Variants in ABHD8 observed in about 807,000 individuals in gnomAD.
ABHD8 encodes the protein abhydrolase domain containing 8.
ABHD8 carries 10 observed loss-of-function variants against 29.3 expected under a neutral mutation model. The ratio of observed to expected loss-of-function variants is 0.34; its 90% CI spans 0.21 to 0.58. The LOEUF (loss-of-function observed/expected upper bound fraction) is 0.58, where lower values mean the gene tolerates loss of function less well. Ranked by LOEUF, ABHD8 falls within the 20% of genes least tolerant of loss-of-function variation. The probability of loss-of-function intolerance (pLI) is 0.85; values close to 1 mark genes in which losing one functional copy is unlikely to be tolerated. For synonymous variants in ABHD8, 282 were observed against 274.6 expected (o/e 1.03, Z -0.27); for missense variants, 556 against 615.3 (o/e 0.90, Z 1.02).
At chr19:17,301,689 G>A (rs1010885468) in intron 1 of ABHD8, 65 bp from the exon 2 acceptor site, 2 of 1,449,076 alleles carry the variant, frequency 1.4e-6, no homozygotes, top group African/African-American at 1.4e-5. Context: ...CGTGCAGCAG[G>A]CACTCCCTGA....
intron 2 of ABHD8, 103 bp downstream of exon 2, chr19:17,300,753 C>A: frequency 7.1e-7 from 1 of 1,403,786 alleles, no homozygotes; most frequent in Non-Finnish European, 9.6e-7. Context: ...GCTGGGATTA[C>A]AGGCGTGAGC....
At chr19:17,294,582 T>C in intron 3 of ABHD8, 78 bp from the exon 4 acceptor site, 1 of 1,608,976 alleles carries the variant, frequency 6.2e-7, no homozygotes, top group Non-Finnish European at 8.5e-7. Flanking sequence ...CCAGCCCTAG[T>C]CCCAGCGGTA....
chr19:17,299,720 A>G (rs915647871), intron 2 of ABHD8, among the ~76,000 whole-genome samples: 2 of 151,968 alleles, frequency 1.3e-5, no homozygotes, highest in African/African-American at 4.8e-5. Context: ...AAAGAAAAAA[A>G]AATTTTAAAA....
In ABHD8 at chr19:17,294,302, G is replaced by T; in HGVS notation, c.1135C>A (p.Gln379Lys). The T allele has an allele frequency of 6.2e-7, 1 of 1,606,500 alleles. No individual in the cohort carries two copies. The highest frequency in any genetic ancestry group is 8.5e-7 in the Non-Finnish European group (1 of 1,179,670). ...HDKFVPVEED[Q>K]RMAEILLLAF... ...CCCGCCTCTACCTCGGCCATGCGCTGGTCTTCCTCCACCGGCACAAACTTA... is the reference window on the plus strand; with the variant it reads ...CCCGCCTCTACCTCGGCCATGCGCTTGTCTTCCTCCACCGGCACAAACTTA... The change falls in exon 4 of 5, where the codon CAG (glutamine) becomes AAG (lysine). Residue 379 changes from glutamine (Q) to lysine (K), a missense_variant. Gln to Lys is a moderately conservative substitution (Grantham distance 53). Coordinates refer to ENST00000247706, the MANE Select transcript of ABHD8 (RefSeq NM_024527.5).
chr19:17,292,688 C>CA lies in ABHD8; in HGVS notation c.1292dup (p.Pro432AlafsTer95). ...ACTTCTTGTCTTCTGGAGGCGCCGG[C>CA]AGTGGCTCCGGTAGAGCCTTGGGCG... On this transcript the variant is annotated frameshift_variant, in exon 5 of 5. Coordinates refer to ENST00000247706, the MANE Select transcript of ABHD8 (RefSeq NM_024527.5). LOFTEE classifies it high-confidence loss of function. 1 of 1,611,878 alleles carries CA rather than the reference C, an allele frequency of 6.2e-7. No individual in the cohort carries two copies. Among genetic ancestry groups the CA allele is most frequent in the Non-Finnish European group, 8.5e-7 (1 of 1,179,374 alleles).
intron 4 of ABHD8, 57 bp from the exon 5 acceptor site, chr19:17,292,888 G>A: frequency 6.4e-7 from 1 of 1,558,004 alleles, no homozygotes; most frequent in Non-Finnish European, 8.7e-7. Flanking sequence ...GAGAGGCCAG[G>A]CTTCCCTGGG....
rs747576672 is a variant in ABHD8 at position 17,294,460 on chromosome 19, T to A, written c.977A>T (p.Lys326Met). 3.7e-6 allele frequency: 6 copies of A among 1,614,150 alleles called. No individual in the cohort carries two copies. In the South Asian group the frequency reaches 6.6e-5, roughly 18 times the overall value. The change falls in exon 4 of 5, where the codon AAG (lysine) becomes ATG (methionine). Residue 326 changes from lysine (K) to methionine (M), a missense_variant. Physicochemically the swap from Lys to Met is moderately conservative, Grantham distance 95. Around this residue, in one of 2 missense-constraint regions of ABHD8, gnomAD observed 270 missense variants for 353.9 expected, o/e 0.76. Transcript: ENST00000247706. ...TGACACGTTGAAAGCGTTGCCCTCCTTTAACAGCTGCTTCTCCTTGGCTCC... is the reference window on the plus strand; with the variant it reads ...TGACACGTTGAAAGCGTTGCCCTCCATTAACAGCTGCTTCTCCTTGGCTCC... ...RQGAKEKQLLKEGNAFNVSSF... is the reference protein window; with the variant it reads ...RQGAKEKQLLMEGNAFNVSSF...
rs774155542 is a variant in ABHD8, at chr19:17,301,447, G to C, written c.170C>G (p.Pro57Arg). 3.1e-6 allele frequency: 5 copies of C among 1,612,016 alleles called. No homozygotes were observed. The highest frequency in any genetic ancestry group is 1.1e-5 in the South Asian group (1 of 91,042). The change falls in exon 2 of 5, where the codon CCA becomes CGA. Residue 57 changes from proline to arginine, a missense_variant. Transcript: ENST00000247706. ...CGAGGATGCGGATGATGGTGGAGGT[G>C]GGGCAGCGGCTGGGGCGGGTCCTGC... is the stretch of plus-strand genomic sequence containing the variant. ...KHAGPAPAAAPPPPSSASSDA... is the reference protein window; with the variant it reads ...KHAGPAPAAARPPPSSASSDA...
In ABHD8 at chr19:17,300,959, G is replaced by C. The variant is rs749306333; in HGVS notation, c.658C>G (p.Gln220Glu). 6.2e-7 allele frequency: 1 copy of C among 1,613,490 alleles called. No individual in the cohort carries two copies. Among genetic ancestry groups the C allele is most frequent in the East Asian group, 2.2e-5 (1 of 44,876 alleles). ...TAGAAGGTGTAGGCTGCGGCCACCTGGGGCGCAGAGCTGGCCCCGTGGCCG... is the reference window on the plus strand; with the variant it reads ...TAGAAGGTGTAGGCTGCGGCCACCTCGGGCGCAGAGCTGGCCCCGTGGCCG... ...LAGHGASSAP[Q>E]VAAAYTFYAL... Residue 220 changes from glutamine to glutamate, a missense_variant, in exon 2 of 5, where the codon CAG becomes GAG. Gln to Glu is a conservative substitution (Grantham distance 29, BLOSUM62 2). Transcript: ENST00000247706.
chr19:17,293,644 C>T (rs1054713990), intron 4 of ABHD8, among the ~76,000 whole-genome samples: 2 of 151,814 alleles, frequency 1.3e-5, no homozygotes, highest in South Asian at 2.1e-4. Flanking sequence ...GGGCAGAATC[C>T]TCCTTAGTTA....
chr19:17,293,544 T>C (rs930147730), intron 4 of ABHD8, among the ~76,000 whole-genome samples: 9 of 152,048 alleles, frequency 5.9e-5, no homozygotes, highest in Non-Finnish European at 8.8e-5. Flanking sequence ...GCAGCATCCC[T>C]GGCCTCCACC....
chr19:17,292,228 C>A lies in ABHD8; in HGVS notation c.*433G>T. 4.4e-6 allele frequency: 1 copy of A among 228,174 alleles called. No homozygotes were observed. Among genetic ancestry groups the A allele is most frequent in the South Asian group, 1.5e-4 (1 of 6,608 alleles). 14.1% of individuals were successfully genotyped at this position (228,174 alleles called of 1,614,324 possible). On this transcript the variant is annotated 3_prime_UTR_variant, in exon 5 of 5. Transcript: ENST00000247706. ...CCCCCCCTTGGGCAAAAATAGCTCC[C>A]AGCGCCGAGGAATGGGGGGTAGGAA... is the stretch of plus-strand genomic sequence containing the variant.
chr19:17,300,828 C>T lies in ABHD8; in HGVS notation c.761+28G>A, dbSNP rs748768481. ...GTCCCTGCTGACCCCATCCCTCACC[C>T]CCACCCCACATGCCAGGGTTCACTT... On this transcript the variant is annotated intron_variant, in intron 2 of 4. Transcript: ENST00000247706. The T allele has an allele frequency of 2.1e-5, 32 of 1,560,522 alleles. 1 individual carries two copies. Among genetic ancestry groups the T allele is most frequent in the Non-Finnish European group, 2.7e-5 (31 of 1,149,998 alleles).
At chr19:17,302,878 C>T (rs1034058258) in intron 1 of ABHD8, 1 of 152,426 alleles carries the variant, frequency 6.6e-6, no homozygotes, top group African/African-American at 2.4e-5. Context: ...GTGTCTAGGG[C>T]CTGGAGATGG....
At position 17,301,271 on chromosome 19, in the gene ABHD8, C is replaced by A; in HGVS notation, c.346G>T (p.Ala116Ser). 6.2e-7 allele frequency: 1 copy of A among 1,603,150 alleles called. No individual in the cohort carries two copies. Among genetic ancestry groups the A allele is most frequent in the Non-Finnish European group, 8.5e-7 (1 of 1,178,164 alleles). ...GGATCTGCCAGCTCCACCTCCAGGG[C>A]GGCCGGCGGCTCCCCAGAGCCATTC... ...GQNGSGEPPA[A>S]LEVELADPAG... Residue 116 changes from alanine (A) to serine (S), a missense_variant, in exon 2 of 5, where the codon GCC becomes TCC. By Grantham distance (99) the Ala-to-Ser change is moderately conservative. Transcript: ENST00000247706.
rs57568455 is a variant in ABHD8 at position 17,299,727 on chromosome 19, A to T, written c.761+1129T>A. ...TCTATTTAAAAGAAAAAAAAATTTT[A>T]AAAATGTAAAAATTAAATTGAAAAA... is the stretch of plus-strand genomic sequence containing the variant. On this transcript the variant is annotated intron_variant, in intron 2 of 4. Coordinates refer to ENST00000247706, the MANE Select transcript of ABHD8 (RefSeq NM_024527.5). Among the ~76,000 whole-genome samples, 1,432 of 151,870 alleles carry T rather than the reference A, an allele frequency of 9.4e-3. 19 individuals carry two copies. The highest frequency in any genetic ancestry group is 0.031 in the African/African-American group (1,294 of 41,474).
In ABHD8 at chr19:17,294,232, T is replaced by C. The variant is rs935195782; in HGVS notation, c.1149+56A>G. The C allele has an allele frequency of 1.9e-6, 3 of 1,565,478 alleles. No individual in the cohort carries two copies. The East Asian group carries it at 6.8e-5, about 36-fold the overall frequency. ...ACGCCCCCCGCAGAGGCCACGCCCC[T>C]CCCGGGCAGCACCCTGGGGATTTGT... On this transcript the variant is annotated intron_variant, in intron 4 of 4. Coordinates refer to ENST00000247706, the MANE Select transcript of ABHD8 (RefSeq NM_024527.5).
At position 17,299,197 on chromosome 19, in the gene ABHD8, C is replaced by T. The variant is rs12052118; in HGVS notation, c.761+1659G>A. Among the ~76,000 whole-genome samples the T allele has an allele frequency of 1.4e-3, 206 of 151,744 alleles. 1 individual carries two copies. The East Asian group carries it at 0.036, about 27-fold the overall frequency. On this transcript the variant is annotated intron_variant, in intron 2 of 4. Transcript: ENST00000247706. Reference sequence around the variant, plus strand: ...GGCCAAGGAGGGAGGATGGCTTGAGCCCAGGAGTTCAAGACCAGCCTGGGC... The same window carrying T: ...GGCCAAGGAGGGAGGATGGCTTGAGTCCAGGAGTTCAAGACCAGCCTGGGC...
At position 17,301,456 on chromosome 19, in the gene ABHD8, G is replaced by T. The variant is rs1449332719; in HGVS notation, c.161C>A (p.Ala54Asp). 2 of 1,611,476 alleles carry T rather than the reference G, an allele frequency of 1.2e-6. No homozygotes were observed. Among genetic ancestry groups the T allele is most frequent in the Admixed American group, 3.3e-5 (2 of 59,968 alleles). ...LRVKHAGPAP[A>D]AAPPPPSSAS... ...GGATGATGGTGGAGGTGGGGCAGCG[G>T]CTGGGGCGGGTCCTGCATGCTTCAC... Residue 54 changes from alanine (A) to aspartate (D), a missense_variant, in exon 2 of 5, where the codon GCC (alanine) becomes GAC (aspartate). Around this residue, in one of 2 missense-constraint regions of ABHD8, gnomAD observed 286 missense variants for 261.4 expected, o/e 1.09. Transcript: ENST00000247706.
Sources: gnomAD v4.1 joint callset for allele counts (sites outside exome capture counted in the v4.1 genomes callset) on GRCh38, gnomAD v4.1.1 for gene constraint, gnomAD v4.1.1 regional missense constraint, MANE v1.5 for transcripts, NCBI Gene and HGNC (gene_info 2026-07-23, HGNC 2026-07-21) for gene names.